Variants in CNTN4 observed in about 807,000 individuals in gnomAD.
CNTN4 encodes the protein contactin-4.
CNTN4 carries 77 observed loss-of-function variants against 122.5 expected under a neutral mutation model. The ratio of observed to expected loss-of-function variants is 0.63; its 90% CI spans 0.52 to 0.76. The LOEUF (loss-of-function observed/expected upper bound fraction) is 0.76. Among genes scored for constraint, CNTN4 ranks in the 30% least tolerant of loss-of-function variants. The pLI, the probability that CNTN4 is intolerant of heterozygous loss-of-function variation, is 0.00. For missense variants in CNTN4, 1,256 were observed against 1,259.1 expected (o/e 1.00, Z 0.04); for synonymous variants, 512 against 447.0 (o/e 1.15, Z -1.83).
intron 4 of CNTN4, among the ~76,000 whole-genome samples, chr3:2,714,482 A>G (rs1388738983): frequency 6.6e-6 from 1 of 152,174 alleles, no homozygotes; most frequent in African/African-American, 2.4e-5. Context: ...ATGCTATGCC[A>G]AAAAAGAACC....
At chr3:2,402,269 T>G (rs2046885161) in intron 3 of CNTN4, among the ~76,000 whole-genome samples, 1 of 152,222 alleles carries the variant, frequency 6.6e-6, no homozygotes, top group East Asian at 1.9e-4. Context: ...AGAATCTCTC[T>G]TATGAGCTTA....
intron 4 of CNTN4, among the ~76,000 whole-genome samples, chr3:2,674,433 C>T (rs904836069): frequency 2.6e-5 from 4 of 152,202 alleles, no homozygotes; most frequent in Non-Finnish European, 5.9e-5. Context: ...TTTAAGTTCT[C>T]TCTTGTAGCT....
At chr3:3,004,017 C>G (rs1172412263) in intron 14 of CNTN4, among the ~76,000 whole-genome samples, 1 of 152,152 alleles carries the variant, frequency 6.6e-6, no homozygotes, top group East Asian at 1.9e-4. Flanking sequence ...GTCTCAGCCT[C>G]CCAAAGCTGT....
intron 14 of CNTN4, among the ~76,000 whole-genome samples, chr3:2,995,448 A>G (rs1164235811): frequency 6.6e-6 from 1 of 152,222 alleles, no homozygotes; most frequent in African/African-American, 2.4e-5. Context: ...ATTGCATACC[A>G]TGACAGTCTG....
chr3:2,820,964 T>TTTTTTTTC (rs1553649829), intron 7 of CNTN4, among the ~76,000 whole-genome samples: 2 of 141,616 alleles, frequency 1.4e-5, no homozygotes, highest in Non-Finnish European at 3.1e-5. Context: ...TCTCTTTCTT[T>TTTTTTTTC]TTTTTTTTTT....
intron 4 of CNTN4, among the ~76,000 whole-genome samples, chr3:2,708,995 A>G (rs181123835): frequency 2.0e-5 from 3 of 152,266 alleles, no homozygotes; most frequent in East Asian, 3.9e-4. Flanking sequence ...ACGTATTTTA[A>G]TGGGCGTTGC....
chr3:2,617,331 A>G (rs2081799084), intron 4 of CNTN4, among the ~76,000 whole-genome samples: 1 of 152,130 alleles, frequency 6.6e-6, no homozygotes, highest in Non-Finnish European at 1.5e-5. Context: ...AGCAAAGGAT[A>G]TGAACAGACA....
At chr3:2,582,869 G>A (rs2080006888) in intron 4 of CNTN4, among the ~76,000 whole-genome samples, 1 of 148,114 alleles carries the variant, frequency 6.8e-6, no homozygotes. Flanking sequence ...TGAGGGTTAT[G>A]TCCCAGACCA....
chr3:2,742,897 T>C (rs1353802170), intron 5 of CNTN4, among the ~76,000 whole-genome samples: 1 of 152,208 alleles, frequency 6.6e-6, no homozygotes, highest in African/African-American at 2.4e-5. Flanking sequence ...AGTGACTGCA[T>C]TGCAATAAAA....
At chr3:2,827,355 G>A (rs2093008335) in intron 7 of CNTN4, among the ~76,000 whole-genome samples, 2 of 152,156 alleles carry the variant, frequency 1.3e-5, no homozygotes, top group South Asian at 4.1e-4. Flanking sequence ...AGGATGAAAA[G>A]ACATAACAAA....
At chr3:2,626,061 G>C (rs559598701) in intron 4 of CNTN4, among the ~76,000 whole-genome samples, 2 of 152,164 alleles carry the variant, frequency 1.3e-5, no homozygotes, top group East Asian at 3.9e-4. Flanking sequence ...GAGAAGTTCT[G>C]TGTATTCTGG....
At chr3:2,305,394 GT>G (rs1044656619) in intron 2 of CNTN4, among the ~76,000 whole-genome samples, 8 of 151,970 alleles carry the variant, frequency 5.3e-5, no homozygotes, top group Non-Finnish European at 1.0e-4. Context: ...TTTATTTATT[GT>G]TTTTTTGGTT....
At chr3:2,522,282 A>T (rs534851061) in intron 3 of CNTN4, among the ~76,000 whole-genome samples, 3 of 152,168 alleles carry the variant, frequency 2.0e-5, no homozygotes, top group African/African-American at 7.2e-5. Context: ...CAAAGTTGCA[A>T]CATGATTCAA....
intron 3 of CNTN4, among the ~76,000 whole-genome samples, chr3:2,396,526 G>T (rs1046946120): frequency 6.6e-6 from 1 of 152,000 alleles, no homozygotes; most frequent in African/African-American, 2.4e-5. Flanking sequence ...ACATCCTCAC[G>T]AGCCAGATCC....
chr3:2,183,045 C>A (rs969426304), intron 2 of CNTN4, among the ~76,000 whole-genome samples: 5 of 152,050 alleles, frequency 3.3e-5, no homozygotes, highest in Non-Finnish European at 7.4e-5. Flanking sequence ...GAAGAAGATT[C>A]TTCAGTAAGT....
At chr3:2,210,821 A>G (rs1019103292) in intron 2 of CNTN4, among the ~76,000 whole-genome samples, 2 of 152,200 alleles carry the variant, frequency 1.3e-5, no homozygotes, top group African/African-American at 4.8e-5. Flanking sequence ...TTTGGAAGCA[A>G]AGGCGTTTTG....
intron 9 of CNTN4, among the ~76,000 whole-genome samples, chr3:2,884,273 A>G (rs1335333574): frequency 6.6e-6 from 1 of 152,028 alleles, no homozygotes; most frequent in Non-Finnish European, 1.5e-5. Flanking sequence ...TCAGCGTGTA[A>G]TCTCTTTTCT....
intron 11 of CNTN4, among the ~76,000 whole-genome samples, chr3:2,901,446 G>A (rs1046756746): frequency 1.3e-5 from 2 of 152,122 alleles, no homozygotes; most frequent in African/African-American, 4.8e-5. Context: ...TACATGACAG[G>A]AAGAGAAAGG....
intron 2 of CNTN4, chr3:2,110,648 A>G (rs2032870238): frequency 6.6e-6 from 1 of 152,200 alleles, no homozygotes; most frequent in African/African-American, 2.4e-5. Context: ...AAAATAAAAT[A>G]CACAAGCTGT....
Sources: gnomAD v4.1 joint callset for allele counts (sites outside exome capture counted in the v4.1 genomes callset) on GRCh38, gnomAD v4.1.1 for gene constraint, MANE v1.5 for transcripts, NCBI Gene and HGNC (gene_info 2026-07-23, HGNC 2026-07-21) for gene names.